PARD3B: variants seen among roughly 807,000 people sequenced by gnomAD.
The protein encoded by PARD3B is par-3 family cell polarity regulator beta, also known as partitioning defective 3 homolog B.
PARD3B carries 103 observed loss-of-function variants against 130.2 expected under a neutral mutation model. The observed-to-expected ratio is 0.79, with a 90% confidence interval of 0.67 to 0.93. The LOEUF is 0.93. Ranked by LOEUF, PARD3B falls within the 40% of genes least tolerant of loss-of-function variation. PARD3B has a pLI of 0.00. For missense variants in PARD3B, 1,609 were observed against 1,499.2 expected (o/e 1.07, Z -1.21); for synonymous variants, 583 against 553.2 (o/e 1.05, Z -0.76).
At chr2:205,260,405 C>A (rs2040257154) in intron 16 of PARD3B, among the ~76,000 whole-genome samples, 1 of 152,092 alleles carries the variant, frequency 6.6e-6, no homozygotes, top group Non-Finnish European at 1.5e-5. Flanking sequence ...TTTCTCCAGA[C>A]CTATCTTCTA....
intron 2 of PARD3B, among the ~76,000 whole-genome samples, chr2:204,759,698 T>C (rs1294156735): frequency 6.6e-6 from 1 of 152,134 alleles, no homozygotes; most frequent in East Asian, 1.9e-4. Flanking sequence ...GTCTGTTTCC[T>C]TGGATTTTGA....
intron 2 of PARD3B, among the ~76,000 whole-genome samples, chr2:204,853,368 A>G (rs530736660): frequency 6.6e-6 from 1 of 152,202 alleles, no homozygotes; most frequent in Non-Finnish European, 1.5e-5. Context: ...ATTTTGAATA[A>G]CAGTTTTTTA....
At chr2:205,427,654 TGAAAG>T (rs1462884642) in intron 19 of PARD3B, among the ~76,000 whole-genome samples, 3 of 152,010 alleles carry the variant, frequency 2.0e-5, no homozygotes, top group Non-Finnish European at 4.4e-5. Context: ...AAGACAGAAA[TGAAAG>T]CTATATATTA....
intron 21 of PARD3B, among the ~76,000 whole-genome samples, chr2:205,501,372 T>C (rs950799570): frequency 6.6e-6 from 1 of 152,166 alleles, no homozygotes; most frequent in Non-Finnish European, 1.5e-5. Flanking sequence ...TTAAACAGAA[T>C]GACACCTAGA....
chr2:204,893,135 AGAG>A (rs1185674503), intron 2 of PARD3B, among the ~76,000 whole-genome samples: 3 of 152,184 alleles, frequency 2.0e-5, no homozygotes, highest in Admixed American at 6.5e-5. Context: ...GAGGAGAACC[AGAG>A]GAGGGTGGTG....
chr2:205,030,487 C>T (rs1291143791), intron 3 of PARD3B, among the ~76,000 whole-genome samples: 1 of 152,046 alleles, frequency 6.6e-6, no homozygotes, highest in Non-Finnish European at 1.5e-5. Flanking sequence ...AAATGTGTTG[C>T]TTCTAAAATG....
At chr2:205,267,950 A>G (rs2040575315) in intron 16 of PARD3B, among the ~76,000 whole-genome samples, 1 of 152,176 alleles carries the variant, frequency 6.6e-6, no homozygotes, top group Non-Finnish European at 1.5e-5. Flanking sequence ...TTTTCTTAAT[A>G]CTGTAATAAA....
At chr2:205,048,424 C>T (rs1575636031) in intron 4 of PARD3B, 1 of 152,184 alleles carries the variant, frequency 6.6e-6, no homozygotes, top group Non-Finnish European at 1.5e-5. Flanking sequence ...GCTAAATCCT[C>T]AGTTGCTTTG....
At chr2:205,350,750 T>TA (rs2043968386) in intron 18 of PARD3B, among the ~76,000 whole-genome samples, 1 of 152,198 alleles carries the variant, frequency 6.6e-6, no homozygotes, top group Non-Finnish European at 1.5e-5. Context: ...CTCTGGGTTG[T>TA]CCCCCAAAAT....
At chr2:205,502,479 T>C (rs1468063042) in intron 21 of PARD3B, among the ~76,000 whole-genome samples, 2 of 152,168 alleles carry the variant, frequency 1.3e-5, no homozygotes, top group East Asian at 1.9e-4. Flanking sequence ...CTTCAATCCC[T>C]TGAGTAAACA....
At chr2:205,104,797 A>G (rs562232377) in intron 5 of PARD3B, among the ~76,000 whole-genome samples, 2 of 152,330 alleles carry the variant, frequency 1.3e-5, no homozygotes, top group Non-Finnish European at 2.9e-5. Flanking sequence ...GCAATTTCAA[A>G]TGAACATTTC....
chr2:205,231,870 G>A (rs2038854279), intron 15 of PARD3B, among the ~76,000 whole-genome samples: 2 of 152,150 alleles, frequency 1.3e-5, no homozygotes, highest in Admixed American at 1.3e-4. Context: ...GTATTCATCA[G>A]AGCATGCATG....
intron 3 of PARD3B, among the ~76,000 whole-genome samples, chr2:205,037,389 AATAT>A (rs1198127281): frequency 4.1e-5 from 6 of 145,872 alleles, no homozygotes; most frequent in Admixed American, 3.5e-4. Context: ...ATTTGTATAA[AATAT>A]ATATATAGTG....
chr2:204,622,922 C>T (rs1284056772), intron 1 of PARD3B, among the ~76,000 whole-genome samples: 1 of 151,896 alleles, frequency 6.6e-6, no homozygotes, highest in African/African-American at 2.4e-5. Context: ...TGCATAAGTT[C>T]TGTTAAAGTA....
chr2:205,182,197 C>T (rs1268550047), intron 13 of PARD3B, among the ~76,000 whole-genome samples: 1 of 151,784 alleles, frequency 6.6e-6, no homozygotes, highest in Non-Finnish European at 1.5e-5. Flanking sequence ...GAGGCTGAGG[C>T]AGGAGAATGG....
chr2:205,303,001 C>CA (rs2042065786), intron 18 of PARD3B, among the ~76,000 whole-genome samples: 1 of 152,114 alleles, frequency 6.6e-6, no homozygotes, highest in African/African-American at 2.4e-5. Flanking sequence ...CTCTCCCCTT[C>CA]AAGTATAAAC....
intron 3 of PARD3B, among the ~76,000 whole-genome samples, chr2:204,996,663 G>T (rs1359166379): frequency 8.0e-5 from 12 of 149,832 alleles, no homozygotes; most frequent in Admixed American, 8.0e-4. Context: ...GGCAATGGCG[G>T]GCGCCCCTCC....
chr2:204,747,467 G>T (rs555000041), intron 2 of PARD3B, among the ~76,000 whole-genome samples: 1 of 152,156 alleles, frequency 6.6e-6, no homozygotes, highest in African/African-American at 2.4e-5. Context: ...CCATGCTCAT[G>T]GATAGGAAGA....
At chr2:205,581,377 GTATATATAAA>G (rs892332396) in intron 22 of PARD3B, among the ~76,000 whole-genome samples, 16 of 108,752 alleles carry the variant, frequency 1.5e-4, no homozygotes, top group Middle Eastern at 4.2e-3. Flanking sequence ...GTGTATGTAT[GTATATATAAA>G]TATATATAAA....
Sources: gnomAD v4.1 joint callset for allele counts (sites outside exome capture counted in the v4.1 genomes callset) on GRCh38, gnomAD v4.1.1 for gene constraint, MANE v1.5 for transcripts, NCBI Gene and HGNC (gene_info 2026-07-23, HGNC 2026-07-21) for gene names.